The following ADGRG4 variants were observed in gnomAD, a reference collection of about 807,000 sequenced individuals.
The protein encoded by ADGRG4 is G protein-coupled receptor 112.
In ADGRG4, 122 loss-of-function variants were observed where a neutral mutation model predicts 126.2. The observed-to-expected ratio is 0.97, with a 90% confidence interval of 0.83 to 1.12. The LOEUF (loss-of-function observed/expected upper bound fraction) is 1.12, where lower values mean the gene tolerates loss of function less well. Among genes scored for constraint, ADGRG4 ranks in the 50% most tolerant of loss-of-function variants. The pLI is 0.00. For missense variants in ADGRG4, 2,481 were observed against 2,251.8 expected (o/e 1.10, Z -2.06); for synonymous variants, 943 against 838.7 (o/e 1.12, Z -2.15).
intron 4 of ADGRG4, among the ~76,000 whole-genome samples, chrX:136,322,484 T>C (rs1204952730): frequency 1.8e-5 from 2 of 111,735 alleles, no homozygotes; most frequent in African/African-American, 6.5e-5. Context: ...CATACACTTC[T>C]AACTGCCTCT....
At chrX:136,371,146 T>C (rs1007061683) in intron 13 of ADGRG4, among the ~76,000 whole-genome samples, 182 bp from the exon 14 acceptor site, 1 of 112,223 alleles carries the variant, frequency 8.9e-6, no homozygotes, top group Non-Finnish European at 1.9e-5. Context: ...ACTTGACTTA[T>C]GTTCTACTTT....
chrX:136,348,511 C>A lies in ADGRG4; in HGVS notation c.4805C>A (p.Thr1602Asn). The A allele has an allele frequency of 8.3e-7, 1 of 1,208,510 alleles. No individual in the cohort carries two copies. Among genetic ancestry groups the A allele is most frequent in the Admixed American group, 2.2e-5 (1 of 45,910 alleles). The change falls in exon 6 of 26, where the codon ACC becomes AAC. Residue 1602 changes from threonine (T) to asparagine (N), a missense_variant. Transcript: ENST00000394143. The part of the protein sequence containing the change: ...LSSVTPRTTM[T>N]MQTSTLDVTP... ...TCAGTTACCCCCAGGACTACTATGA[C>A]CATGCAAACATCTACATTGGATGTC...
chrX:136,317,207 G>A (rs780285079), intron 4 of ADGRG4, among the ~76,000 whole-genome samples: 1 of 111,335 alleles, frequency 9.0e-6, no homozygotes, highest in African/African-American at 3.3e-5. Flanking sequence ...TCTTAGAAAT[G>A]ACACCAAAAG....
At chrX:136,326,939 GA>G (rs1256690029) in intron 5 of ADGRG4, among the ~76,000 whole-genome samples, 2 of 110,322 alleles carry the variant, frequency 1.8e-5, no homozygotes, top group African/African-American at 6.6e-5. Context: ...AACACTGCCT[GA>G]AAAACATGAA....
At chrX:136,332,073 T>C (rs1185590840) in intron 5 of ADGRG4, among the ~76,000 whole-genome samples, 1 of 109,455 alleles carries the variant, frequency 9.1e-6, no homozygotes, top group Non-Finnish European at 1.9e-5. Context: ...GTTACATATG[T>C]ATACATGTGC....
rs778292592 is a variant in ADGRG4, at chrX:136,347,227, T to C, written c.3521T>C (p.Ile1174Thr). Reference protein sequence around the residue: ...TTSTPEATQPISQVEETSTYA... With the variant: ...TTSTPEATQPTSQVEETSTYA... ...TCTACACCAGAAGCAACTCAACCAA[T>C]ATCTCAAGTAGAGGAGACTTCTACC... Residue 1174 changes from isoleucine to threonine, a missense_variant, in exon 6 of 26, where the codon ATA becomes ACA. Transcript: ENST00000394143. The C allele has an allele frequency of 3.3e-6, 4 of 1,210,264 alleles. No homozygotes were observed. The African/African-American group carries it at 5.2e-5, about 16-fold the overall frequency.
At chrX:136,359,567 T>C in intron 11 of ADGRG4, 112 bp downstream of exon 11, 1 of 618,220 alleles carries the variant, frequency 1.6e-6, no homozygotes, top group Non-Finnish European at 2.4e-6. Context: ...GAAGTCATCT[T>C]TCTGTTTTTT....
At chrX:136,342,614 T>C (rs1034727471) in intron 5 of ADGRG4, among the ~76,000 whole-genome samples, 3 of 110,521 alleles carry the variant, frequency 2.7e-5, no homozygotes, top group Admixed American at 9.6e-5. Context: ...AACTGAAGAA[T>C]TGGCAGAAGT....
In ADGRG4 at chrX:136,333,367, C is replaced by T. The variant is rs748733927; in HGVS notation, c.685+9975C>T. Reference sequence around the variant, plus strand: ...TCGATTTCCTGACCTTGTGATCCACCCACCTCGGCCTCACAAAGTGCTGGG... The same window carrying T: ...TCGATTTCCTGACCTTGTGATCCACTCACCTCGGCCTCACAAAGTGCTGGG... On this transcript the variant is annotated intron_variant, in intron 5 of 25. Transcript: ENST00000394143. 4.5e-5 allele frequency among the ~76,000 whole-genome samples: 5 copies of T among 111,295 alleles called. No homozygotes were observed. The East Asian group carries it at 1.1e-3, about 25-fold the overall frequency.
chrX:136,349,490 T>C lies in ADGRG4; in HGVS notation c.5784T>C (p.Gly1928=), dbSNP rs753384861. ...PLSTFTASQT[G]LVSKDVMAMS... is the part of the protein sequence containing the mutation. ...CAACATTCACAGCCTCTCAGACTGGTCTAGTATCTAAAGATGTCATGGCAA... is the reference window on the plus strand; with the variant it reads ...CAACATTCACAGCCTCTCAGACTGGCCTAGTATCTAAAGATGTCATGGCAA... Residue 1928 remains glycine (G), a synonymous_variant, in exon 6 of 26, where the codon GGT becomes GGC. Coordinates refer to ENST00000394143, the MANE Select transcript of ADGRG4 (RefSeq NM_153834.4). The C allele has an allele frequency of 8.3e-7, 1 of 1,204,057 alleles. No individual in the cohort carries two copies. The highest frequency in any genetic ancestry group is 3.0e-5 in the East Asian group (1 of 33,798).
Position 136,345,237 on chromosome X carries a change from A to G in ADGRG4, c.1531A>G (p.Thr511Ala). Residue 511 changes from threonine to alanine, a missense_variant, in exon 6 of 26, where the codon ACT becomes GCT. Thr to Ala is a moderately conservative substitution (Grantham distance 58, BLOSUM62 0). Transcript: ENST00000394143. ...TACAGTCCATTCATTGACTCTCCCA[A>G]CTAGGCTTATTGAGACCACACCTGC... ...AFTVHSLTLP[T>A]RLIETTPAPR... 1.7e-6 allele frequency: 2 copies of G among 1,211,222 alleles called. No individual in the cohort carries two copies. The highest frequency in any genetic ancestry group is 3.0e-5 in the East Asian group (1 of 33,825).
intron 20 of ADGRG4, among the ~76,000 whole-genome samples, chrX:136,398,266 G>T (rs1452726872): frequency 1.8e-5 from 2 of 112,187 alleles, no homozygotes; most frequent in Non-Finnish European, 3.8e-5. Context: ...ATTTGATAAA[G>T]TGGACTTTAT....
chrX:136,384,959 C>G (rs2075285676), intron 15 of ADGRG4, among the ~76,000 whole-genome samples: 1 of 110,217 alleles, frequency 9.1e-6, no homozygotes, highest in South Asian at 3.8e-4. Flanking sequence ...AAATTTATAC[C>G]TTTTACTGAA....
intron 20 of ADGRG4, among the ~76,000 whole-genome samples, chrX:136,398,332 TAGAG>T (rs1212144922): frequency 2.7e-5 from 3 of 112,040 alleles, no homozygotes; most frequent in Non-Finnish European, 5.6e-5. Flanking sequence ...AAACCTTACA[TAGAG>T]AGAAGATATT....
rs566345073 is a variant in ADGRG4 at position 136,342,652 on chromosome X, C to A, written c.686-1740C>A. Reference sequence around the variant, plus strand: ...ATCAGATGAGGAAGGATGGGAAGTACATTCTAAGTAGAGGTTACAGCAAAT... The same window carrying A: ...ATCAGATGAGGAAGGATGGGAAGTAAATTCTAAGTAGAGGTTACAGCAAAT... On this transcript the variant is annotated intron_variant, in intron 5 of 25. Transcript: ENST00000394143. 4.6e-5 allele frequency among the ~76,000 whole-genome samples: 5 copies of A among 109,657 alleles called. No individual in the cohort carries two copies. In the South Asian group the frequency reaches 1.6e-3, roughly 35 times the overall value.
rs774840842 is a variant in ADGRG4, at chrX:136,349,915, G to T, written c.6209G>T (p.Arg2070Leu). 1 of 1,210,467 alleles carries T rather than the reference G, an allele frequency of 8.3e-7. No homozygotes were observed. Among genetic ancestry groups the T allele is most frequent in the African/African-American group, 1.7e-5 (1 of 57,557 alleles). Residue 2070 changes from arginine to leucine, a missense_variant, in exon 6 of 26, where the codon CGA (arginine) becomes CTA (leucine). Coordinates refer to ENST00000394143, the MANE Select transcript of ADGRG4 (RefSeq NM_153834.4). ...PSATMSTILT[R>L]TIPTPTLGGI... ...GCTACTATGAGCACCATACTCACCCGAACCATTCCTACACCTACACTGGGT... is the reference window on the plus strand; with the variant it reads ...GCTACTATGAGCACCATACTCACCCTAACCATTCCTACACCTACACTGGGT...
intron 1 of ADGRG4, among the ~76,000 whole-genome samples, chrX:136,302,627 T>C (rs1196062610): frequency 8.9e-6 from 1 of 111,884 alleles, no homozygotes; most frequent in African/African-American, 3.2e-5. Context: ...GAGATAGAGT[T>C]ATCTGTTTTG....
At chrX:136,343,321 T>A (rs1296433612) in intron 5 of ADGRG4, among the ~76,000 whole-genome samples, 1 of 110,826 alleles carries the variant, frequency 9.0e-6, no homozygotes, top group African/African-American at 3.3e-5. Flanking sequence ...TTGGAGAATG[T>A]TGAGCTTGAG....
chrX:136,343,509 T>C (rs765893397), intron 5 of ADGRG4, among the ~76,000 whole-genome samples: 1 of 111,188 alleles, frequency 9.0e-6, no homozygotes, highest in African/African-American at 3.3e-5. Context: ...TGTGAAGAGG[T>C]CCTGGGACAA....
Sources: gnomAD v4.1 joint callset for allele counts (sites outside exome capture counted in the v4.1 genomes callset) on GRCh38, gnomAD v4.1.1 for gene constraint, MANE v1.5 for transcripts, NCBI Gene and HGNC (gene_info 2026-07-23, HGNC 2026-07-21) for gene names.